The following PTCD3 variants were observed in gnomAD, a reference collection of about 807,000 sequenced individuals.
PTCD3 encodes pentatricopeptide repeat domain 3.
PTCD3 carries 89 observed loss-of-function variants against 101.9 expected under a neutral mutation model. The observed-to-expected ratio is 0.87, with a 90% CI of 0.74 to 1.04. The LOEUF (loss-of-function observed/expected upper bound fraction) is 1.04. Ranked by LOEUF, PTCD3 falls within the 50% of genes least tolerant of loss-of-function variation. PTCD3 has a pLI of 0.00. For synonymous variants in PTCD3, 296 were observed against 278.5 expected (o/e 1.06, Z -0.63); for missense variants, 870 against 828.2 (o/e 1.05, Z -0.62).
intron 3 of PTCD3, chr2:86,108,853 C>T (rs893853151): frequency 1.5e-5 from 4 of 260,384 alleles, no homozygotes. Flanking sequence ...CAAGGAAGTT[C>T]TCTCATATGA....
rs558456554 is a variant in PTCD3, at chr2:86,112,375, A to C, written c.240+1217A>C. ...CCGGCCTTTTTTTTTTTTTTTTAAG[A>C]ATAAAATTATTGGCCAGGAGCAGTG... On this transcript the variant is annotated intron_variant, in intron 4 of 23. Coordinates refer to ENST00000254630, the MANE Select transcript of PTCD3 (RefSeq NM_017952.6). Among the ~76,000 whole-genome samples the C allele has an allele frequency of 7.1e-3, 1,023 of 144,568 alleles. 15 individuals carry two copies. Among genetic ancestry groups the C allele is most frequent in the African/African-American group, 0.024 (944 of 39,446 alleles). The allele number at this position is 144,568 out of a possible 152,430, so 94.8% of individuals were successfully genotyped here. A position where few individuals can be genotyped will look rare whatever the true frequency, so the allele number is the denominator to read the frequency against.
At position 86,127,481 on chromosome 2, in the gene PTCD3, C is replaced by T. The variant is rs138530550; in HGVS notation, c.1096+176C>T. 421 of 665,416 alleles carry T rather than the reference C, an allele frequency of 6.3e-4. 3 individuals are homozygous for T. The East Asian group carries it at 0.011, about 17-fold the overall frequency. 41.2% of individuals were successfully genotyped at this position (665,416 alleles called of 1,614,324 possible). ...CTTATTATAGTGGGAGTGCCTTTATCATCTTAGTGTTCATTAGTATTTTAG... is the reference window on the plus strand; with the variant it reads ...CTTATTATAGTGGGAGTGCCTTTATTATCTTAGTGTTCATTAGTATTTTAG... On this transcript the variant is annotated intron_variant, in intron 13 of 23. Coordinates refer to ENST00000254630, the MANE Select transcript of PTCD3 (RefSeq NM_017952.6).
intron 14 of PTCD3, among the ~76,000 whole-genome samples, chr2:86,130,447 G>GT (rs1230861098): frequency 1.3e-5 from 2 of 152,218 alleles, no homozygotes; most frequent in Non-Finnish European, 2.9e-5. Flanking sequence ...ACAGAGACCT[G>GT]TGATTATTCC....
rs368313640 is a variant in PTCD3 at position 86,116,576 on chromosome 2, T to C, written c.287T>C (p.Met96Thr). 2.5e-6 allele frequency: 4 copies of C among 1,610,152 alleles called. No homozygotes were observed. Among genetic ancestry groups the C allele is most frequent in the African/African-American group, 2.7e-5 (2 of 74,876 alleles). Reference protein sequence around the residue: ...PYVFQDDPYLMPASSLESRSF... With the variant: ...PYVFQDDPYLTPASSLESRSF... ...GTGTTTCAAGATGATCCTTACCTTA[T>C]GCCAGCATCATCTTTGGAATCTGTG... Residue 96 changes from methionine to threonine, a missense_variant, in exon 5 of 24, where the codon ATG becomes ACG. Physicochemically the swap from Met to Thr is moderately conservative, Grantham distance 81 (BLOSUM62 -1). Coordinates refer to ENST00000254630, the MANE Select transcript of PTCD3 (RefSeq NM_017952.6).
rs891923210 is a variant in PTCD3 at position 86,141,714 on chromosome 2, T to C, written c.*4155T>C. ...AAAGTAATTTCAGAGTAAAACAGAT[T>C]GAGGATGAAACCAAGACAGAAGTGA... On this transcript the variant is annotated 3_prime_UTR_variant, in exon 24 of 24. Transcript: ENST00000254630. The C allele has an allele frequency of 4.0e-5, 6 of 151,256 alleles. No individual in the cohort carries two copies. Among genetic ancestry groups the C allele is most frequent in the Admixed American group, 3.9e-4 (6 of 15,254 alleles). 9.4% of individuals were successfully genotyped at this position (151,256 alleles called of 1,614,324 possible).
At chr2:86,118,802 A>G in intron 6 of PTCD3, 119 bp from the exon 7 acceptor site, 1 of 1,135,366 alleles carries the variant, frequency 8.8e-7, no homozygotes, top group Non-Finnish European at 1.3e-6. Flanking sequence ...TGCAGGAAAC[A>G]TGAATTGGAG....
In PTCD3 at chr2:86,106,430, A is replaced by G. The variant is rs1673949393; in HGVS notation, c.104+79A>G. 2.7e-5 allele frequency: 39 copies of G among 1,443,264 alleles called. 1 individual carries two copies. In the South Asian group the frequency reaches 4.8e-4, roughly 18 times the overall value. The allele number at this position is 1,443,264 out of a possible 1,614,324, so 89.4% of individuals were successfully genotyped here. Reference sequence around the variant, plus strand: ...ATGTTTCCCAGCTGGCTGTGGAAGTAGGCACGATGAAATGGTTTGCTCATG... The same window carrying G: ...ATGTTTCCCAGCTGGCTGTGGAAGTGGGCACGATGAAATGGTTTGCTCATG... On this transcript the variant is annotated intron_variant, in intron 1 of 23. Transcript: ENST00000254630.
intron 1 of PTCD3, among the ~76,000 whole-genome samples, chr2:86,108,098 G>C (rs1258771638): frequency 6.6e-6 from 1 of 150,848 alleles, no homozygotes; most frequent in East Asian, 1.9e-4. Flanking sequence ...TTCACTAAAG[G>C]CTAGGCAATG....
At chr2:86,113,370 ATTTCGTC>A (rs2104449024) in intron 4 of PTCD3, among the ~76,000 whole-genome samples, 1 of 152,278 alleles carries the variant, frequency 6.6e-6, no homozygotes, top group South Asian at 2.1e-4. Context: ...AAAACTTTTA[ATTTCGTC>A]TGTGGGGAAA....
chr2:86,124,265 G>A (rs1352167314), intron 9 of PTCD3, among the ~76,000 whole-genome samples: 1 of 152,162 alleles, frequency 6.6e-6, no homozygotes, highest in Non-Finnish European at 1.5e-5. Flanking sequence ...GTCTGGAGAG[G>A]GAAAGCTACC....
chr2:86,134,263 A>G (rs1355496369), intron 19 of PTCD3, 29 bp from the exon 20 acceptor site: 5 of 1,519,158 alleles, frequency 3.3e-6, no homozygotes, highest in Non-Finnish European at 4.6e-6. Flanking sequence ...CATAACAATG[A>G]TCACTCCTTG....
At chr2:86,120,235 C>T (rs1281064326) in intron 7 of PTCD3, among the ~76,000 whole-genome samples, 1 of 152,036 alleles carries the variant, frequency 6.6e-6, no homozygotes, top group Non-Finnish European at 1.5e-5. Flanking sequence ...TAGTTTTACC[C>T]CCTTTATTGG....
intron 15 of PTCD3, 29 bp from the exon 16 acceptor site, chr2:86,131,049 C>T (rs1674486172): frequency 6.3e-7 from 1 of 1,595,456 alleles, no homozygotes; most frequent in Middle Eastern, 1.7e-4. Flanking sequence ...TCCATTGTAA[C>T]CAAAGCTCTT....
At position 86,137,740 on chromosome 2, in the gene PTCD3, C is replaced by A; in HGVS notation, c.*181C>A. ...TATGTAGATTTAAGCTGCTAATATG[C>A]TACTTAACCATCTATTAATGCACCA... is the stretch of plus-strand genomic sequence containing the variant. On this transcript the variant is annotated 3_prime_UTR_variant, in exon 24 of 24. Coordinates refer to ENST00000254630, the MANE Select transcript of PTCD3 (RefSeq NM_017952.6). 1.3e-6 allele frequency: 1 copy of A among 773,786 alleles called. No individual in the cohort carries two copies. The highest frequency in any genetic ancestry group is 2.0e-6 in the Non-Finnish European group (1 of 503,154). The allele number at this position is 773,786 out of a possible 1,614,324, so 47.9% of individuals were successfully genotyped here. A position where few individuals can be genotyped will look rare whatever the true frequency, so the allele number is the denominator to read the frequency against.
intron 13 of PTCD3, 138 bp from the exon 14 acceptor site, chr2:86,127,803 G>A: frequency 1.4e-6 from 1 of 702,916 alleles, no homozygotes; most frequent in East Asian, 2.6e-5. Context: ...AAATAACTTT[G>A]TTCAAAGGAA....
chr2:86,114,739 G>A (rs918535213), intron 4 of PTCD3, among the ~76,000 whole-genome samples: 1 of 152,192 alleles, frequency 6.6e-6, no homozygotes, highest in African/African-American at 2.4e-5. Flanking sequence ...CCCTTCAAAA[G>A]ATACGTGTGT....
In PTCD3 at chr2:86,136,519, A is replaced by T. The variant is rs1674587191; in HGVS notation, c.1779-2A>T. 6.2e-7 allele frequency: 1 copy of T among 1,609,412 alleles called. No individual in the cohort carries two copies. The highest frequency in any genetic ancestry group is 8.5e-7 in the Non-Finnish European group (1 of 1,175,796). On this transcript the variant is annotated splice_acceptor_variant, in intron 21 of 23. Transcript: ENST00000254630. LOFTEE classifies it high-confidence loss of function. ...TCATAATCTTTTTCCTTTCTTGAGC[A>T]GGAAAATGTTGGGGCTTTTCAGGAA...
chr2:86,123,261 T>TA (rs3077184), intron 8 of PTCD3, among the ~76,000 whole-genome samples: 15,271 of 141,974 alleles, frequency 0.11, 1,095 homozygotes, highest in African/African-American at 0.2. Flanking sequence ...GACTCTGTCT[T>TA]AAAAAAAAAA....
chr2:86,118,858 A>G, intron 6 of PTCD3, 63 bp from the exon 7 acceptor site: 1 of 1,545,626 alleles, frequency 6.5e-7, no homozygotes, highest in Non-Finnish European at 8.8e-7. Flanking sequence ...GTTTTGTCCT[A>G]CTCAGTTATC....
Sources: gnomAD v4.1 joint callset for allele counts (sites outside exome capture counted in the v4.1 genomes callset) on GRCh38, gnomAD v4.1.1 for gene constraint, MANE v1.5 for transcripts, NCBI Gene and HGNC (gene_info 2026-07-23, HGNC 2026-07-21) for gene names.